The following BMP8B variants were observed in gnomAD, a reference collection of about 807,000 sequenced individuals.
The protein encoded by BMP8B is bone morphogenetic protein 8 (osteogenic protein 2).
In BMP8B, 17 loss-of-function variants were observed where a neutral mutation model predicts 30.3. That is an observed-to-expected ratio of 0.56 (90% CI 0.38 to 0.84). BMP8B has a LOEUF of 0.84. Ranked by LOEUF, BMP8B falls within the 40% of genes least tolerant of loss-of-function variation. The probability of loss-of-function intolerance (pLI) is 0.00; values close to 1 mark genes in which losing one functional copy is unlikely to be tolerated. For synonymous variants in BMP8B, 131 were observed against 214.7 expected (o/e 0.61, Z 3.41); for missense variants, 253 against 494.6 (o/e 0.51, Z 4.63).
chr1:39,760,339 G>A lies in BMP8B; in HGVS notation c.*80C>T, dbSNP rs966533330. On this transcript the variant is annotated 3_prime_UTR_variant, in exon 7 of 7. Coordinates refer to ENST00000372827, the MANE Select transcript of BMP8B (RefSeq NM_001720.5). ...TGGCAATGCCCCGGCCTGGGGTCTG[G>A]CTGGGTTTGAGGGTTTCCTGCTTCT... 5.5e-5 allele frequency: 88 copies of A among 1,586,138 alleles called. No individual in the cohort carries two copies. The highest frequency in any genetic ancestry group is 3.4e-4 in the Admixed American group (20 of 59,136).
chr1:39,775,996 T>C (rs1345916707), intron 1 of BMP8B, among the ~76,000 whole-genome samples: 1 of 152,298 alleles, frequency 6.6e-6, no homozygotes, highest in Non-Finnish European at 1.5e-5. Flanking sequence ...AGGTCAGCGA[T>C]GTTGGGGACG....
At chr1:39,766,206 A>G (rs577108117) in intron 3 of BMP8B, among the ~76,000 whole-genome samples, 22 of 146,182 alleles carry the variant, frequency 1.5e-4, no homozygotes, top group African/African-American at 4.9e-4. Flanking sequence ...TGGGAGTGCA[A>G]TGGAGCCTCT....
At position 39,771,151 on chromosome 1, in the gene BMP8B, A is replaced by C; in HGVS notation, c.673+3157T>G. ...CGTAGAACTTGGCACGGAGCCGGGG[A>C]CTGGTGGCAAAGCAGCGGGCGCAGC... On this transcript the variant is annotated intron_variant, in intron 3 of 6. Coordinates refer to ENST00000372827, the MANE Select transcript of BMP8B (RefSeq NM_001720.5). 6.4e-6 allele frequency: 10 copies of C among 1,555,454 alleles called. 2 individuals are homozygous for C. The highest frequency in any genetic ancestry group is 7.0e-6 in the Non-Finnish European group (8 of 1,139,406).
At chr1:39,786,931 C>A (rs1458554515) in intron 1 of BMP8B, among the ~76,000 whole-genome samples, 3 of 152,248 alleles carry the variant, frequency 2.0e-5, no homozygotes, top group Admixed American at 2.0e-4. Flanking sequence ...GATGGCCCCA[C>A]AAAACCTGCT....
intron 1 of BMP8B, among the ~76,000 whole-genome samples, chr1:39,785,743 G>C (rs1472627483): frequency 7.9e-5 from 12 of 152,220 alleles, no homozygotes; most frequent in Non-Finnish European, 1.6e-4. Context: ...TGAGGCAGGA[G>C]AAGGGCCACC....
At chr1:39,762,226 T>C (rs1649092817) in intron 6 of BMP8B, 3 of 302,652 alleles carry the variant, frequency 9.9e-6, no homozygotes, top group Admixed American at 9.8e-5. Flanking sequence ...CACGTGTGTG[T>C]GTGTGTGTTT....
At chr1:39,782,215 C>G (rs986065971) in intron 1 of BMP8B, among the ~76,000 whole-genome samples, 1 of 151,868 alleles carries the variant, frequency 6.6e-6, no homozygotes, top group African/African-American at 2.4e-5. Flanking sequence ...GCAGCCGGCA[C>G]TCCAGGCAGC....
rs558083171 is a variant in BMP8B at position 39,763,991 on chromosome 1, G to A, written c.869-200C>T. On this transcript the variant is annotated intron_variant, in intron 4 of 6. Transcript: ENST00000372827. ...TCAGAAGCCTGCCATGGCTCCCAAT[G>A]GCTAGAGTGACACTGTGCCCAGTCC... 8.5e-5 allele frequency: 56 copies of A among 658,608 alleles called. No individual in the cohort carries two copies. The East Asian group carries it at 1.3e-3, about 15-fold the overall frequency. 40.8% of individuals were successfully genotyped at this position (658,608 alleles called of 1,614,324 possible). A position where few individuals can be genotyped will look rare whatever the true frequency, so the allele number is the denominator to read the frequency against.
intron 3 of BMP8B, chr1:39,771,301 T>G: frequency 7.0e-7 from 1 of 1,425,586 alleles, no homozygotes; most frequent in East Asian, 2.7e-5. Flanking sequence ...GAGCCCTGCG[T>G]GCGCCTCGGG....
intron 3 of BMP8B, among the ~76,000 whole-genome samples, chr1:39,766,795 T>C (rs1319649959): frequency 6.7e-6 from 1 of 148,568 alleles, no homozygotes; most frequent in Non-Finnish European, 1.5e-5. Context: ...GCAGCAGAAA[T>C]ACAAGGAACA....
In BMP8B at chr1:39,770,547, C is replaced by T. The variant is rs750097865; in HGVS notation, c.673+3761G>A. The T allele has an allele frequency of 8.7e-6, 14 of 1,609,640 alleles. No homozygotes were observed. In the African/African-American group the frequency reaches 1.9e-4, roughly 22 times the overall value. On this transcript the variant is annotated intron_variant, in intron 3 of 6. Coordinates refer to ENST00000372827, the MANE Select transcript of BMP8B (RefSeq NM_001720.5). Reference sequence around the variant, plus strand: ...ACCTCCACCGCCGTGACGTCTGCAGCTTTGCACATGGGCACGTTGAAATTG... The same window carrying T: ...ACCTCCACCGCCGTGACGTCTGCAGTTTTGCACATGGGCACGTTGAAATTG...
At chr1:39,768,958 C>T (rs1460272379) in intron 3 of BMP8B, among the ~76,000 whole-genome samples, 4 of 150,578 alleles carry the variant, frequency 2.7e-5, no homozygotes, top group Admixed American at 6.6e-5. Context: ...GCAAGTGGAT[C>T]GCTTGAGCTC....
At chr1:39,775,715 C>T (rs920032789) in intron 1 of BMP8B, among the ~76,000 whole-genome samples, 2 of 152,216 alleles carry the variant, frequency 1.3e-5, no homozygotes, top group African/African-American at 4.8e-5. Context: ...CAGCAGAGGG[C>T]AGGAGACCCA....
chr1:39,776,866 C>G (rs1175230152), intron 1 of BMP8B, among the ~76,000 whole-genome samples: 1 of 152,150 alleles, frequency 6.6e-6, no homozygotes, highest in African/African-American at 2.4e-5. Context: ...GATACTTTTT[C>G]CACACACAGG....
At chr1:39,768,274 C>T (rs1171965145) in intron 3 of BMP8B, among the ~76,000 whole-genome samples, 3 of 134,800 alleles carry the variant, frequency 2.2e-5, no homozygotes, top group Non-Finnish European at 4.8e-5. Context: ...TGAGAAAACT[C>T]ATCTAGTCCC....
chr1:39,762,274 C>A, intron 6 of BMP8B: 1 of 433,132 alleles, frequency 2.3e-6, no homozygotes, highest in Non-Finnish European at 4.1e-6. Context: ...GCTGTGTTGC[C>A]CAGGCTTGTC....
At chr1:39,776,332 A>G (rs994216532) in intron 1 of BMP8B, among the ~76,000 whole-genome samples, 2 of 152,162 alleles carry the variant, frequency 1.3e-5, no homozygotes, top group African/African-American at 4.8e-5. Context: ...TCCGTTTCAA[A>G]CTCTAGAAAT....
intron 1 of BMP8B, among the ~76,000 whole-genome samples, chr1:39,785,949 A>G (rs1650954576): frequency 6.6e-6 from 1 of 152,216 alleles, no homozygotes; most frequent in Non-Finnish European, 1.5e-5. Context: ...CTGGGCTTCC[A>G]CTAACAATGA....
rs189397355 is a variant in BMP8B, at chr1:39,762,214, C to T, written c.1059+878G>A. 1.2e-3 allele frequency: 333 copies of T among 273,656 alleles called. 2 individuals are homozygous for T. Among genetic ancestry groups the T allele is most frequent in the East Asian group, 7.8e-3 (89 of 11,412 alleles). The allele number at this position is 273,656 out of a possible 1,614,324, so 17.0% of individuals were successfully genotyped here. A position where few individuals can be genotyped will look rare whatever the true frequency, so the allele number is the denominator to read the frequency against. On this transcript the variant is annotated intron_variant, in intron 6 of 6. Coordinates refer to ENST00000372827, the MANE Select transcript of BMP8B (RefSeq NM_001720.5). ...TCCTCTCACACCAAGGCATAGTGTG[C>T]GCACGTGTGTGTGTGTGTGTTTTAA... is the stretch of plus-strand genomic sequence containing the variant.
Sources: allele counts gnomAD v4.1 joint callset (sites outside exome capture counted in the v4.1 genomes callset), GRCh38; gene constraint gnomAD v4.1.1; transcripts MANE v1.5; gene names NCBI Gene and HGNC (gene_info 2026-07-23, HGNC 2026-07-21).